Variants in ASH1L observed in about 807,000 individuals in gnomAD.
ASH1L encodes histone-lysine N-methyltransferase ASH1L.
In ASH1L, 23 loss-of-function variants were observed where a neutral mutation model predicts 269.0. The observed-to-expected ratio is 0.09, with a 90% CI of 0.06 to 0.12. The LOEUF (loss-of-function observed/expected upper bound fraction) is 0.12. ASH1L is among the 10% of genes least tolerant of loss of function. ASH1L has a pLI of 1.00. For synonymous variants in ASH1L, 1,187 were observed against 1,253.5 expected, an observed-to-expected ratio of 0.95 and a Z score of 1.12; for missense variants, 2,912 against 3,567.8, an observed-to-expected ratio of 0.82 and a Z score of 4.68.
chr1:155,482,934 CTT>C (rs1051018757), intron 2 of ASH1L, among the ~76,000 whole-genome samples: 1 of 152,142 alleles, frequency 6.6e-6, no homozygotes, highest in African/African-American at 2.4e-5. Flanking sequence ...TACTTCTACT[CTT>C]TTATAACTCA....
intron 12 of ASH1L, among the ~76,000 whole-genome samples, chr1:155,365,839 G>C (rs1037022628): frequency 2.0e-5 from 3 of 152,118 alleles, no homozygotes; most frequent in African/African-American, 7.2e-5. Context: ...CTTTCTGACT[G>C]ATCTCTTCTC....
At chr1:155,504,579 C>G (rs188284693) in intron 2 of ASH1L, among the ~76,000 whole-genome samples, 4 of 152,038 alleles carry the variant, frequency 2.6e-5, no homozygotes, top group Non-Finnish European at 5.9e-5. Context: ...ACTGGCTGGG[C>G]GCGGTGGCTC....
chr1:155,386,514 T>C (rs535195107), intron 7 of ASH1L, among the ~76,000 whole-genome samples: 2 of 151,906 alleles, frequency 1.3e-5, no homozygotes, highest in East Asian at 1.9e-4. Context: ...GCCTCCTGAA[T>C]AGCTGGGATT....
At chr1:155,392,960 T>C (rs1297544028) in intron 7 of ASH1L, among the ~76,000 whole-genome samples, 2 of 151,950 alleles carry the variant, frequency 1.3e-5, no homozygotes, top group African/African-American at 2.4e-5. Flanking sequence ...AGTGCTGGGA[T>C]TACAAGTGTG....
intron 5 of ASH1L, among the ~76,000 whole-genome samples, chr1:155,425,880 A>AT (rs1201656944): frequency 1.4e-5 from 2 of 139,776 alleles, no homozygotes. Flanking sequence ...GCCTGGCCTA[A>AT]TTTTTTTTGT....
At chr1:155,508,160 C>T (rs1042249485) in intron 2 of ASH1L, among the ~76,000 whole-genome samples, 2 of 152,132 alleles carry the variant, frequency 1.3e-5, no homozygotes, top group Non-Finnish European at 2.9e-5. Flanking sequence ...ATTGTGACTT[C>T]CATCTCTACT....
At chr1:155,547,217 C>G (rs1185061956) in intron 1 of ASH1L, among the ~76,000 whole-genome samples, 1 of 151,166 alleles carries the variant, frequency 6.6e-6, no homozygotes, top group African/African-American at 2.4e-5. Context: ...TCCCAAAGTG[C>G]TGGGATTATG....
chr1:155,434,100 G>A (rs1391331261), intron 5 of ASH1L: 2 of 1,592,658 alleles, frequency 1.3e-6, no homozygotes, highest in South Asian at 1.1e-5. Context: ...CCTTTCTCAG[G>A]GGTACCAGTA....
chr1:155,440,000 G>C (rs902973558), intron 4 of ASH1L, among the ~76,000 whole-genome samples: 5 of 150,514 alleles, frequency 3.3e-5, no homozygotes, highest in African/African-American at 4.9e-5. Context: ...ATAGACCCTT[G>C]TCTCAATTTG....
At chr1:155,366,859 A>ACAGGGTTTCAGTCAT (rs1655470062) in intron 12 of ASH1L, among the ~76,000 whole-genome samples, 1 of 152,028 alleles carries the variant, frequency 6.6e-6, no homozygotes, top group Non-Finnish European at 1.5e-5. Flanking sequence ...TTAAGTAGAG[A>ACAGGGTTTCAGTCAT]CAGGGTTTCA....
chr1:155,439,596 A>T (rs528797673), intron 4 of ASH1L, among the ~76,000 whole-genome samples: 2 of 152,274 alleles, frequency 1.3e-5, no homozygotes, highest in Non-Finnish European at 2.9e-5. Context: ...GCTATTTATG[A>T]GGCTAAGTTG....
At chr1:155,488,521 A>T (rs1219224118) in intron 2 of ASH1L, among the ~76,000 whole-genome samples, 4 of 149,158 alleles carry the variant, frequency 2.7e-5, no homozygotes, top group Non-Finnish European at 6.0e-5. Flanking sequence ...AAAAAAAAAA[A>T]AAATTAGCAG....
At chr1:155,538,332 G>A (rs961934837) in intron 1 of ASH1L, among the ~76,000 whole-genome samples, 11 of 144,972 alleles carry the variant, frequency 7.6e-5, no homozygotes, top group African/African-American at 2.6e-4. Context: ...CATGAGCTAT[G>A]GCACCTGGCG....
intron 2 of ASH1L, among the ~76,000 whole-genome samples, chr1:155,509,706 G>GA (rs1427167701): frequency 6.6e-6 from 1 of 152,120 alleles, no homozygotes; most frequent in Non-Finnish European, 1.5e-5. Context: ...GGCTGAGGCA[G>GA]AAGAACTGCT....
chr1:155,411,586 A>AATAAATAAATAAATAAATAAATATATAT (rs1297131961), intron 6 of ASH1L, among the ~76,000 whole-genome samples: 1 of 55,192 alleles, frequency 1.8e-5, no homozygotes, highest in Non-Finnish European at 3.2e-5. Context: ...TAAATAAATA[A>AATAAATAAATAAATAAATAAATATATAT]ATATATATAT....
intron 4 of ASH1L, among the ~76,000 whole-genome samples, chr1:155,448,380 G>A (rs1663189054): frequency 6.6e-6 from 1 of 151,966 alleles, no homozygotes; most frequent in South Asian, 2.1e-4. Context: ...TATTGAGATG[G>A]GTCTTGCCAA....
intron 1 of ASH1L, among the ~76,000 whole-genome samples, chr1:155,527,531 C>CTTTTTTTTTTTTTTTTTTTTTTTTTT (rs35475547): frequency 9.0e-6 from 1 of 110,822 alleles, no homozygotes. Context: ...TACGGGATAC[C>CTTTTTTTTTTTTTTTTTTTTTTTTTT]TTTTTTTTTT....
In ASH1L at chr1:155,521,456, TC is replaced by T; in HGVS notation, c.63del (p.Ser22ValfsTer16). 1 of 1,614,046 alleles carries T rather than the reference TC, an allele frequency of 6.2e-7. No individual in the cohort carries two copies. Among genetic ancestry groups the T allele is most frequent in the Non-Finnish European group, 8.5e-7 (1 of 1,180,000 alleles). ...LGSDSEGFSR[K>X]SPSAISTGTL... is the part of the protein sequence containing the mutation. Reference sequence around the variant, plus strand: ...GTGCCAGTACTGATGGCAGAAGGACTCTTTCTTGAAAAACCTTCGGAATCAG... The same window carrying T: ...GTGCCAGTACTGATGGCAGAAGGACTTTTCTTGAAAAACCTTCGGAATCAG... On this transcript the variant is annotated frameshift_variant, in exon 2 of 28. Transcript: ENST00000392403. LOFTEE classifies it high-confidence loss of function.
chr1:155,354,446 A>C, intron 16 of ASH1L, 27 bp downstream of exon 16: 2 of 1,599,178 alleles, frequency 1.3e-6, no homozygotes, highest in South Asian at 2.3e-5. Context: ...TCTGTCTCAA[A>C]AAAAAGAAAT....
Sources: allele counts gnomAD v4.1 joint callset (sites outside exome capture counted in the v4.1 genomes callset), GRCh38; gene constraint gnomAD v4.1.1; transcripts MANE v1.5; gene names NCBI Gene and HGNC (gene_info 2026-07-23, HGNC 2026-07-21).